PHYKPL: variants seen among roughly 807,000 people sequenced by gnomAD.
PHYKPL encodes the protein 5-phosphohydroxy-L-lysine phospho-lyase, also known as 5-phosphonooxy-L-lysine phospho-lyase.
Under a neutral mutation model 51.3 loss-of-function variants are expected in PHYKPL, and 42 were observed. That is an observed-to-expected ratio of 0.82 (90% CI 0.64 to 1.06). The LOEUF is 1.06. Among genes scored for constraint, PHYKPL ranks in the 50% least tolerant of loss-of-function variants. PHYKPL has a pLI of 0.00. For synonymous variants in PHYKPL, 264 were observed against 236.0 expected, an observed-to-expected ratio of 1.12 and a Z score of -1.09; for missense variants, 655 against 586.6, an observed-to-expected ratio of 1.12 and a Z score of -1.20.
intron 8 of PHYKPL, among the ~76,000 whole-genome samples, chr5:178,217,546 G>T (rs75862871): frequency 0.09 from 13,188 of 146,746 alleles, 1,887 homozygotes; most frequent in African/African-American, 0.31. Flanking sequence ...GCCGGCAGAT[G>T]AAAGAATCAG....
intron 8 of PHYKPL, among the ~76,000 whole-genome samples, chr5:178,218,227 A>G (rs1760338950): frequency 6.7e-6 from 1 of 150,198 alleles, no homozygotes; most frequent in Admixed American, 6.6e-5. Context: ...AAAAAAAAAA[A>G]AAAAAAAAAA....
At chr5:178,223,688 CCTTT>C (rs1367202114) in intron 6 of PHYKPL, 10 of 347,532 alleles carry the variant, frequency 2.9e-5, no homozygotes, top group African/African-American at 1.7e-4. Context: ...CCACAGGCTG[CCTTT>C]CTTTGTCGTA....
intron 8 of PHYKPL, among the ~76,000 whole-genome samples, chr5:178,217,879 A>G (rs1476996539): frequency 1.3e-5 from 2 of 148,618 alleles, no homozygotes; most frequent in East Asian, 4.1e-4. Flanking sequence ...AAAAAAGTCA[A>G]TTGAGATTGT....
At chr5:178,211,486 C>T (rs111975740) in intron 12 of PHYKPL, 2 of 182,678 alleles carry the variant, frequency 1.1e-5, no homozygotes, top group African/African-American at 2.4e-5. Flanking sequence ...TCTTTACACA[C>T]TAGGGCAGTG....
At chr5:178,209,186 A>G (rs976846611) in intron 12 of PHYKPL, 4 of 715,440 alleles carry the variant, frequency 5.6e-6, no homozygotes, top group South Asian at 3.3e-5. Flanking sequence ...CTTTAGCCCA[A>G]AGGTGGCCTC....
At chr5:178,232,419 T>C (rs1763685261) in intron 1 of PHYKPL, 73 bp downstream of exon 1, 11 of 1,359,992 alleles carry the variant, frequency 8.1e-6, no homozygotes, top group Non-Finnish European at 9.4e-6. Context: ...AGTGCGTGCG[T>C]GCGTGCGTCG....
intron 8 of PHYKPL, chr5:178,216,778 G>C (rs1246357447): frequency 2.0e-5 from 3 of 152,296 alleles, no homozygotes; most frequent in African/African-American, 7.2e-5. Context: ...GCCCATGCCT[G>C]TAATCCCAGC....
chr5:178,224,565 C>T lies in PHYKPL; in HGVS notation c.502-1G>A. The T allele has an allele frequency of 6.2e-7, 1 of 1,614,196 alleles. No individual in the cohort carries two copies. Among genetic ancestry groups the T allele is most frequent in the Non-Finnish European group, 8.5e-7 (1 of 1,180,000 alleles). On this transcript the variant is annotated splice_acceptor_variant, in intron 5 of 12. Transcript: ENST00000308158. LOFTEE classifies it high-confidence loss of function. Reference sequence around the variant, plus strand: ...CCCGGTAGGTGTCTGGGAGAGGTGCCTGTGGGGAGTGACAGCGCCATGTTA... The same window carrying T: ...CCCGGTAGGTGTCTGGGAGAGGTGCTTGTGGGGAGTGACAGCGCCATGTTA...
intron 8 of PHYKPL, among the ~76,000 whole-genome samples, chr5:178,219,970 G>A (rs532823059): frequency 8.6e-5 from 13 of 151,354 alleles, no homozygotes; most frequent in African/African-American, 3.2e-4. Context: ...GAGGTGGGCC[G>A]ATCGCTTGAG....
At chr5:178,212,328 G>C (rs952939955) in intron 11 of PHYKPL, among the ~76,000 whole-genome samples, 1 of 152,254 alleles carries the variant, frequency 6.6e-6, no homozygotes, top group Non-Finnish European at 1.5e-5. Context: ...GGGTAGCAGT[G>C]ATCACCCAGA....
At chr5:178,210,664 G>T (rs1386165246) in intron 12 of PHYKPL, 8 of 1,485,646 alleles carry the variant, frequency 5.4e-6, no homozygotes, top group African/African-American at 1.4e-5. Context: ...CACATGCTTT[G>T]TTTGGATATG....
chr5:178,217,806 C>T (rs1399482749), intron 8 of PHYKPL, among the ~76,000 whole-genome samples: 17 of 145,936 alleles, frequency 1.2e-4, no homozygotes, highest in African/African-American at 3.8e-4. Context: ...TGCAGTGAGC[C>T]GAGATCACAC....
chr5:178,224,049 A>T (rs41285583), intron 6 of PHYKPL: 16,755 of 200,166 alleles, frequency 0.084, 937 homozygotes, highest in Non-Finnish European at 0.11. Flanking sequence ...CGCCCAGCAT[A>T]GTTCCGGTGC....
intron 10 of PHYKPL, among the ~76,000 whole-genome samples, chr5:178,213,375 G>A (rs1010273905): frequency 6.6e-6 from 1 of 152,216 alleles, no homozygotes; most frequent in Admixed American, 6.5e-5. Flanking sequence ...AGCCAAGAAT[G>A]AATGGCCACA....
intron 8 of PHYKPL, among the ~76,000 whole-genome samples, chr5:178,219,220 A>T (rs1042550544): frequency 7.1e-6 from 1 of 141,130 alleles, no homozygotes; most frequent in Non-Finnish European, 1.6e-5. Context: ...GTTAAAATTT[A>T]AAACTTTATA....
Position 178,216,080 on chromosome 5 carries a change from T to G in PHYKPL, c.928-650A>C, listed in dbSNP as rs543634065. ...AAAGTTCAACGTGAGGTGACAAATG[T>G]ATGTACCTGTGTAACCTCCCTCGCA... On this transcript the variant is annotated intron_variant, in intron 8 of 12. Coordinates refer to ENST00000308158, the MANE Select transcript of PHYKPL (RefSeq NM_153373.4). 3 of 152,380 alleles carry G rather than the reference T, an allele frequency of 2.0e-5. No individual in the cohort carries two copies. In the East Asian group the frequency reaches 5.8e-4, roughly 29 times the overall value. 9.4% of individuals were successfully genotyped at this position (152,380 alleles called of 1,614,324 possible). A position where few individuals can be genotyped will look rare whatever the true frequency, so the allele number is the denominator to read the frequency against.
downstream of PHYKPL, chr5:178,207,186 G>A (rs772300151): frequency 3.1e-6 from 5 of 1,614,072 alleles, no homozygotes; most frequent in African/African-American, 4.0e-5. Context: ...CCGTGAAGAA[G>A]GTTCTGGAGA....
rs909949014 is a variant in PHYKPL, at chr5:178,213,076, G to C, written c.1200C>G (p.Ser400Arg). ...GGATGTTCCTCCCAGGGCCATCAGTGCTCAGCAAAACGTAGTTCTCCTTCA... is the reference window on the plus strand; with the variant it reads ...GGATGTTCCTCCCAGGGCCATCAGTCCTCAGCAAAACGTAGTTCTCCTTCA... ...SRLKENYVLL[S>R]TDGPGRNILK... Residue 400 changes from serine (S) to arginine (R), a missense_variant, in exon 11 of 13, where the codon AGC becomes AGG. Physicochemically the swap from Ser to Arg is moderately radical, Grantham distance 110 (BLOSUM62 -1). Coordinates refer to ENST00000308158, the MANE Select transcript of PHYKPL (RefSeq NM_153373.4). 2 of 1,614,092 alleles carry C rather than the reference G, an allele frequency of 1.2e-6. No individual in the cohort carries two copies. Among genetic ancestry groups the C allele is most frequent in the African/African-American group, 2.7e-5 (2 of 74,956 alleles).
intron 9 of PHYKPL, 95 bp from the exon 10 acceptor site, chr5:178,214,980 G>A: frequency 8.7e-7 from 1 of 1,153,378 alleles, no homozygotes; most frequent in South Asian, 1.3e-5. Flanking sequence ...CTCCTGAGGG[G>A]GCTGAGTGCA....
Sources: allele counts gnomAD v4.1 joint callset (sites outside exome capture counted in the v4.1 genomes callset), GRCh38; gene constraint gnomAD v4.1.1; transcripts MANE v1.5; gene names NCBI Gene and HGNC (gene_info 2026-07-23, HGNC 2026-07-21).